Variants in SULF1 observed in about 807,000 individuals in gnomAD.
The protein encoded by SULF1 is sulfatase 1.
In SULF1, 46 loss-of-function variants were observed where a neutral mutation model predicts 110.5. The ratio of observed to expected loss-of-function variants is 0.42; its 90% CI spans 0.33 to 0.53. The LOEUF (loss-of-function observed/expected upper bound fraction) is 0.53, where lower values mean the gene tolerates loss of function less well. SULF1 is among the 20% of genes least tolerant of loss of function. The pLI, the probability that SULF1 is intolerant of heterozygous loss-of-function variation, is 0.12. For missense variants in SULF1, 941 were observed against 1,094.2 expected (o/e 0.86, Z 1.98); for synonymous variants, 371 against 387.1 (o/e 0.96, Z 0.49).
chr8:69,640,895 T>A, intron 22 of SULF1, 54 bp downstream of exon 22: 2 of 1,557,082 alleles, frequency 1.3e-6, no homozygotes, highest in Admixed American at 3.7e-5. Context: ...AATTGCATGA[T>A]CCAGTGGTTT....
chr8:69,649,789 T>C (rs970578360), intron 22 of SULF1, among the ~76,000 whole-genome samples: 2 of 152,118 alleles, frequency 1.3e-5, no homozygotes, highest in African/African-American at 4.8e-5. Flanking sequence ...GTATTACCTT[T>C]GATTACTTGG....
intron 6 of SULF1, 109 bp from the exon 7 acceptor site, chr8:69,586,248 G>C: frequency 1.7e-6 from 2 of 1,172,986 alleles, no homozygotes; most frequent in South Asian, 3.5e-5. Context: ...TATTACCTAG[G>C]GCAACTTTTG....
intron 13 of SULF1, among the ~76,000 whole-genome samples, chr8:69,616,702 GTTTT>G (rs35961171): frequency 1.9e-5 from 2 of 104,604 alleles, no homozygotes; most frequent in African/African-American, 3.8e-5. Context: ...GTGCCCGGCC[GTTTT>G]TTTTTTTTTT....
intron 3 of SULF1, among the ~76,000 whole-genome samples, chr8:69,552,951 G>A (rs1814835078): frequency 6.6e-6 from 1 of 152,192 alleles, no homozygotes; most frequent in Non-Finnish European, 1.5e-5. Flanking sequence ...AACTAAACAG[G>A]TGGCCTAGTG....
chr8:69,629,387 G>A (rs770354221), intron 18 of SULF1, 117 bp from the exon 19 acceptor site: 72 of 1,067,146 alleles, frequency 6.7e-5, no homozygotes, highest in Non-Finnish European at 7.9e-5. Flanking sequence ...AATGAAGGTC[G>A]TCCATTATCT....
intron 3 of SULF1, among the ~76,000 whole-genome samples, chr8:69,538,866 T>A (rs1813654319): frequency 6.6e-6 from 1 of 152,092 alleles, no homozygotes; most frequent in South Asian, 2.1e-4. Context: ...CTAATTTTTG[T>A]ATTTTTAGTG....
intron 8 of SULF1, among the ~76,000 whole-genome samples, chr8:69,599,885 T>C (rs1375177699): frequency 6.6e-6 from 1 of 152,178 alleles, no homozygotes; most frequent in African/African-American, 2.4e-5. Context: ...ATCTCTGCAG[T>C]AGATTAAATA....
chr8:69,602,045 A>G (rs1009485079), intron 10 of SULF1, among the ~76,000 whole-genome samples: 5 of 152,196 alleles, frequency 3.3e-5, no homozygotes, highest in African/African-American at 1.2e-4. Flanking sequence ...TAAGTGTATC[A>G]ATGACTAATT....
At chr8:69,596,633 G>T (rs147833913) in intron 8 of SULF1, among the ~76,000 whole-genome samples, 5 of 152,274 alleles carry the variant, frequency 3.3e-5, no homozygotes, top group African/African-American at 1.2e-4. Context: ...GAGGTACTTT[G>T]TGGGGCCTCT....
intron 22 of SULF1, chr8:69,642,179 ATCT>A (rs1281414059): frequency 1.1e-6 from 1 of 929,320 alleles, no homozygotes; most frequent in African/African-American, 1.8e-5. Context: ...CTATATTAAT[ATCT>A]TCTTCATCTG....
rs938241681 is a variant in SULF1 at position 69,618,267 on chromosome 8, G to A, written c.1378-2768G>A. Among the ~76,000 whole-genome samples, 8 of 152,250 alleles carry A rather than the reference G, an allele frequency of 5.3e-5. No individual in the cohort carries two copies. The South Asian group carries it at 6.2e-4, about 12-fold the overall frequency. ...TAAGTAAAATCCACCCTCTCTATCC[G>A]TGGGTTCTACATCTGTGGGTTCAAC... On this transcript the variant is annotated intron_variant, in intron 13 of 22. Coordinates refer to ENST00000402687, the MANE Select transcript of SULF1 (RefSeq NM_001128205.2).
intron 3 of SULF1, among the ~76,000 whole-genome samples, chr8:69,522,487 G>GACC (rs1182942182): frequency 2.0e-5 from 3 of 152,174 alleles, no homozygotes; most frequent in Admixed American, 6.5e-5. Flanking sequence ...ATGTCTGTTA[G>GACC]ACCTTCCAGT....
chr8:69,606,697 C>T (rs1808242867), intron 13 of SULF1, among the ~76,000 whole-genome samples: 1 of 152,214 alleles, frequency 6.6e-6, no homozygotes, highest in Non-Finnish European at 1.5e-5. Flanking sequence ...TTGGCACAAG[C>T]TTTTCACTCA....
At chr8:69,506,235 T>TAC (rs10656748) in intron 3 of SULF1, among the ~76,000 whole-genome samples, 30,491 of 149,602 alleles carry the variant, frequency 0.2, 3,124 homozygotes, top group African/African-American at 0.25. Context: ...ACACTAAACA[T>TAC]ACACACACAC....
chr8:69,547,155 G>A (rs1241343262), intron 3 of SULF1, among the ~76,000 whole-genome samples: 1 of 152,090 alleles, frequency 6.6e-6, no homozygotes, highest in African/African-American at 2.4e-5. Flanking sequence ...TTCAGGTTAT[G>A]CTTTCTCAAG....
chr8:69,597,979 C>G (rs1232263391), intron 8 of SULF1, among the ~76,000 whole-genome samples: 1 of 152,130 alleles, frequency 6.6e-6, no homozygotes, highest in Non-Finnish European at 1.5e-5. Flanking sequence ...CTCTCCTCCT[C>G]CTCAACCTCT....
intron 3 of SULF1, among the ~76,000 whole-genome samples, chr8:69,523,515 T>C (rs993611354): frequency 3.9e-5 from 6 of 152,214 alleles, no homozygotes; most frequent in Middle Eastern, 3.4e-3. Flanking sequence ...TTCTATGTTC[T>C]TCTCCAGGCA....
chr8:69,638,969 T>TA (rs1181666514), intron 21 of SULF1, 111 bp downstream of exon 21: 1 of 1,091,684 alleles, frequency 9.2e-7, no homozygotes, highest in Non-Finnish European at 1.3e-6. Flanking sequence ...TCAAGATACT[T>TA]AGAGGAGACA....
rs142431102 is a variant in SULF1, at chr8:69,621,603, T to C, written c.1594+352T>C. Among the ~76,000 whole-genome samples, 423 of 152,392 alleles carry C rather than the reference T, an allele frequency of 2.8e-3. 2 individuals carry two copies. Among genetic ancestry groups the C allele is most frequent in the African/African-American group, 1.0e-2 (415 of 41,596 alleles). On this transcript the variant is annotated intron_variant, in intron 14 of 22. Transcript: ENST00000402687. ...GCCAACATCTCCTGACTTGTCTGCC[T>C]GAAGTTGCTTTTAAAAAATAGTAAA...
Sources: gnomAD v4.1 joint callset for allele counts (sites outside exome capture counted in the v4.1 genomes callset) on GRCh38, gnomAD v4.1.1 for gene constraint, MANE v1.5 for transcripts, NCBI Gene and HGNC (gene_info 2026-07-23, HGNC 2026-07-21) for gene names.